DMXL1: variants seen among roughly 807,000 people sequenced by gnomAD.
The protein encoded by DMXL1 is Dmx like 1, also known as dmX-like protein 1.
A neutral mutation model predicts 319.2 loss-of-function variants in DMXL1; 99 were observed. The observed-to-expected ratio is 0.31, with a 90% CI of 0.26 to 0.37. DMXL1 has a LOEUF of 0.37. DMXL1 is among the 10% of genes least tolerant of loss of function. The probability of loss-of-function intolerance (pLI) is 1.00; values close to 1 mark genes in which losing one functional copy is unlikely to be tolerated. For synonymous variants in DMXL1, 1,385 were observed against 1,235.2 expected (o/e 1.12, Z -2.54); for missense variants, 3,745 against 3,595.6 (o/e 1.04, Z -1.06).
intron 23 of DMXL1, among the ~76,000 whole-genome samples, chr5:119,168,746 A>G (rs551543769): frequency 1.5e-4 from 22 of 151,622 alleles, no homozygotes; most frequent in Admixed American, 4.6e-4. Context: ...TAGACACAGT[A>G]TCTTGCTTTG....
Position 119,148,843 on chromosome 5 carries a change from G to C in DMXL1, c.3016G>C (p.Asp1006His), listed in dbSNP as rs1202477276. 2 of 1,613,754 alleles carry C rather than the reference G, an allele frequency of 1.2e-6. No homozygotes were observed. Among genetic ancestry groups the C allele is most frequent in the Non-Finnish European group, 8.5e-7 (1 of 1,179,756 alleles). The part of the protein sequence containing the change: ...KVRFWRCRVT[D>H]GESATSKNGK... ...AAGATTCTGGAGATGCAGAGTAACA[G>C]ATGGAGAATCTGCCACGTCAAAGAA... The change falls in exon 18 of 44, where the codon GAT becomes CAT. Residue 1006 changes from aspartate (D) to histidine (H), a missense_variant. Transcript: ENST00000539542.
intron 1 of DMXL1, among the ~76,000 whole-genome samples, chr5:119,092,385 G>A (rs1026416891): frequency 2.0e-5 from 3 of 151,278 alleles, no homozygotes; most frequent in African/African-American, 7.3e-5. Flanking sequence ...CTCCTGATTC[G>A]GTGGGATTAC....
chr5:119,174,045 A>G (rs1329849713), intron 25 of DMXL1, among the ~76,000 whole-genome samples: 1 of 151,978 alleles, frequency 6.6e-6, no homozygotes, highest in Non-Finnish European at 1.5e-5. Flanking sequence ...GACCCAGCTC[A>G]GTGCAGTTAG....
chr5:119,191,646 T>C (rs1387784176), intron 29 of DMXL1, among the ~76,000 whole-genome samples: 1 of 152,204 alleles, frequency 6.6e-6, no homozygotes, highest in Non-Finnish European at 1.5e-5. Context: ...CCAATCAATA[T>C]CACAACCTCA....
Position 119,166,607 on chromosome 5 carries a change from C to T in DMXL1, c.4971-9C>T, listed in dbSNP as rs1221558409. 3 of 1,579,620 alleles carry T rather than the reference C, an allele frequency of 1.9e-6. No homozygotes were observed. The highest frequency in any genetic ancestry group is 2.6e-6 in the Non-Finnish European group (3 of 1,169,758). On this transcript the variant is annotated splice_polypyrimidine_tract_variant and intron_variant, in intron 21 of 43. Coordinates refer to ENST00000539542, the MANE Select transcript of DMXL1 (RefSeq NM_001290321.3). ...CCAAAATTTTCACACCATTTTTTTT[C>T]CTTTATAGAGCTGAAAAAAACACCA...
chr5:119,157,937 A>T (rs1771465475), intron 19 of DMXL1, among the ~76,000 whole-genome samples: 2 of 152,214 alleles, frequency 1.3e-5, no homozygotes, highest in Admixed American at 1.3e-4. Context: ...CAAATTAAAA[A>T]TTTAACAAAT....
At chr5:119,117,047 G>T (rs1340150322) in intron 7 of DMXL1, among the ~76,000 whole-genome samples, 1 of 151,740 alleles carries the variant, frequency 6.6e-6, no homozygotes, top group Non-Finnish European at 1.5e-5. Context: ...GTTTAGTTTT[G>T]AGACAGGGTC....
intron 3 of DMXL1, among the ~76,000 whole-genome samples, chr5:119,102,451 T>C (rs1301661536): frequency 6.6e-6 from 1 of 152,234 alleles, no homozygotes; most frequent in Non-Finnish European, 1.5e-5. Flanking sequence ...TGTTTTTCTT[T>C]ATAAGCAAGC....
intron 7 of DMXL1, among the ~76,000 whole-genome samples, chr5:119,116,818 G>A (rs1301248483): frequency 6.6e-6 from 1 of 152,028 alleles, no homozygotes; most frequent in African/African-American, 2.4e-5. Context: ...AGAGAGAGTA[G>A]GTTAATACCC....
intron 1 of DMXL1, among the ~76,000 whole-genome samples, chr5:119,083,869 T>G (rs962554278): frequency 6.6e-6 from 1 of 152,216 alleles, no homozygotes; most frequent in African/African-American, 2.4e-5. Flanking sequence ...CTGCATACAG[T>G]TATCTGTAGT....
At chr5:119,232,838 C>CA (rs1041441900) in intron 38 of DMXL1, among the ~76,000 whole-genome samples, 12 of 149,956 alleles carry the variant, frequency 8.0e-5, no homozygotes, top group African/African-American at 2.0e-4. Context: ...TACAAAATTA[C>CA]AAAAAAAACA....
chr5:119,142,517 T>TAAAAAAA (rs148846123), intron 13 of DMXL1, among the ~76,000 whole-genome samples: 23 of 62,226 alleles, frequency 3.7e-4, no homozygotes, highest in Admixed American at 5.2e-4. Context: ...TATTAAAAAG[T>TAAAAAAA]AAAAAAAAAA....
intron 28 of DMXL1, chr5:119,178,596 G>T: frequency 1.0e-6 from 1 of 985,206 alleles, no homozygotes; most frequent in Non-Finnish European, 1.2e-6. Flanking sequence ...GCTATGCCTA[G>T]CCCCCACCAG....
intron 31 of DMXL1, 102 bp downstream of exon 31, chr5:119,196,558 A>G (rs1489069582): frequency 4.1e-6 from 3 of 740,552 alleles, no homozygotes; most frequent in African/African-American, 4.5e-5. Context: ...GGGAAAATTT[A>G]GTGATTTCCT....
At position 119,129,449 on chromosome 5, in the gene DMXL1, T is replaced by G. The variant is rs1316011940; in HGVS notation, c.1315+26T>G. The G allele has an allele frequency of 1.9e-6, 3 of 1,543,108 alleles. No individual in the cohort carries two copies. The highest frequency in any genetic ancestry group is 2.3e-5 in the East Asian group (1 of 44,166). On this transcript the variant is annotated intron_variant, in intron 10 of 43. Coordinates refer to ENST00000539542, the MANE Select transcript of DMXL1 (RefSeq NM_001290321.3). ...GTAAACTTTAAGAGGAAAGGAAAAT[T>G]TAAAGTTTTGCTCAAAATAGCAAAC...
At chr5:119,187,008 G>C (rs1371486334) in intron 28 of DMXL1, among the ~76,000 whole-genome samples, 2 of 151,948 alleles carry the variant, frequency 1.3e-5, no homozygotes, top group Non-Finnish European at 2.9e-5. Context: ...ACACCAACAT[G>C]GCACATGTAT....
intron 29 of DMXL1, 109 bp from the exon 30 acceptor site, chr5:119,193,719 C>T: frequency 9.4e-7 from 1 of 1,064,582 alleles, no homozygotes; most frequent in South Asian, 1.4e-5. Flanking sequence ...ACTTAACTCT[C>T]TTATAATGAA....
chr5:119,150,164 T>A lies in DMXL1; in HGVS notation c.4337T>A (p.Leu1446His), dbSNP rs761060629. 6.2e-6 allele frequency: 10 copies of A among 1,613,686 alleles called. No homozygotes were observed. Among genetic ancestry groups the A allele is most frequent in the Non-Finnish European group, 8.5e-6 (10 of 1,179,868 alleles). The change falls in exon 18 of 44, where the codon CTT (leucine) becomes CAT (histidine). Residue 1446 changes from leucine (L) to histidine (H), a missense_variant. Leu to His is a moderately conservative substitution (Grantham distance 99). Around this residue, in one of 4 missense-constraint regions of DMXL1, gnomAD observed 2,096 missense variants for 1,985.4 expected, o/e 1.06. Transcript: ENST00000539542. ...NQLSKESYDE[L>H]FQTQLLMTDT... ...TTATCTAAAGAAAGTTATGATGAGC[T>A]TTTTCAGACTCAACTTCTAATGACT...
rs548007961 is a variant in DMXL1 at position 119,202,905 on chromosome 5, A to T, written c.7746-414A>T. Among the ~76,000 whole-genome samples, 426 of 142,152 alleles carry T rather than the reference A, an allele frequency of 3.0e-3. 8 individuals carry two copies. Among genetic ancestry groups the T allele is most frequent in the African/African-American group, 0.011 (406 of 37,914 alleles). 93.3% of individuals were successfully genotyped at this position (142,152 alleles called of 152,430 possible). A position where few individuals can be genotyped will look rare whatever the true frequency, so the allele number is the denominator to read the frequency against. ...TATTTTTATATATATATATATATAT[A>T]TTTATATATTTTTATATATATATAA... On this transcript the variant is annotated intron_variant, in intron 32 of 43. Transcript: ENST00000539542.
Sources: gnomAD v4.1 joint callset for allele counts (sites outside exome capture counted in the v4.1 genomes callset) on GRCh38, gnomAD v4.1.1 for gene constraint, gnomAD v4.1.1 regional missense constraint, MANE v1.5 for transcripts, NCBI Gene and HGNC (gene_info 2026-07-23, HGNC 2026-07-21) for gene names.